CMIP: variants seen among roughly 807,000 people sequenced by gnomAD.
The protein encoded by CMIP is c-Maf inducing protein, also known as C-Maf-inducing protein.
A neutral mutation model predicts 97.3 loss-of-function variants in CMIP; 13 were observed. That is an observed-to-expected ratio of 0.13 (90% CI 0.09 to 0.21). CMIP has a LOEUF of 0.21. Among genes scored for constraint, CMIP ranks in the 10% least tolerant of loss-of-function variants. The pLI, the probability that CMIP is intolerant of heterozygous loss-of-function variation, is 1.00. For missense variants in CMIP, 847 were observed against 1,024.9 expected (o/e 0.83, Z 2.37); for synonymous variants, 538 against 436.3 (o/e 1.23, Z -2.91).
intron 3 of CMIP, among the ~76,000 whole-genome samples, chr16:81,623,850 C>A (rs532305024): frequency 6.6e-6 from 1 of 152,246 alleles, no homozygotes; most frequent in Admixed American, 6.5e-5. Context: ...GGTTCATTGT[C>A]GTTAAGCAGG....
At chr16:81,559,058 C>A (rs1179785116) in intron 1 of CMIP, among the ~76,000 whole-genome samples, 1 of 152,218 alleles carries the variant, frequency 6.6e-6, no homozygotes, top group African/African-American at 2.4e-5. Context: ...CCTGGGCGCC[C>A]CTCCTGCCGC....
intron 1 of CMIP, among the ~76,000 whole-genome samples, chr16:81,509,825 C>T (rs950241491): frequency 2.0e-5 from 3 of 152,182 alleles, no homozygotes; most frequent in Non-Finnish European, 4.4e-5. Flanking sequence ...CTTCCTGTCT[C>T]CCTTAACCAG....
intron 10 of CMIP, among the ~76,000 whole-genome samples, chr16:81,687,984 A>T (rs928729269): frequency 1.3e-5 from 2 of 152,254 alleles, no homozygotes; most frequent in African/African-American, 4.8e-5. Flanking sequence ...CCCATGAGCG[A>T]ACACAAGCAG....
chr16:81,474,861 G>GC (rs1907797581), intron 1 of CMIP, among the ~76,000 whole-genome samples: 2 of 152,256 alleles, frequency 1.3e-5, no homozygotes, highest in Admixed American at 1.3e-4. Flanking sequence ...AGCCATGGGG[G>GC]GCGGGCGGGG....
chr16:81,685,706 G>A (rs1174869485), intron 10 of CMIP, among the ~76,000 whole-genome samples: 1 of 147,726 alleles, frequency 6.8e-6, no homozygotes, highest in Admixed American at 6.6e-5. Flanking sequence ...CACCTGCCTG[G>A]CTTACTTTTT....
In CMIP at chr16:81,663,748, C is replaced by T. The variant is rs778642431; in HGVS notation, c.745-521C>T. On this transcript the variant is annotated intron_variant, in intron 6 of 20. Coordinates refer to ENST00000537098, the MANE Select transcript of CMIP (RefSeq NM_198390.3). Reference sequence around the variant, plus strand: ...TTGGGGAGGCAAGGGCTGTGTCCACCAATGAGACCAGCTTGTGGGGTAGAA... The same window carrying T: ...TTGGGGAGGCAAGGGCTGTGTCCACTAATGAGACCAGCTTGTGGGGTAGAA... 1.1e-3 allele frequency among the ~76,000 whole-genome samples: 162 copies of T among 152,128 alleles called. 1 individual carries two copies. The highest frequency in any genetic ancestry group is 2.0e-3 in the Non-Finnish European group (138 of 68,020).
Position 81,601,829 on chromosome 16 carries a change from C to T in CMIP, c.301-5738C>T, listed in dbSNP as rs530752703. On this transcript the variant is annotated intron_variant, in intron 1 of 20. Transcript: ENST00000537098. The stretch of plus-strand genomic sequence containing the variant: ...ACCTTGCGGGCACTCAGTTAGCGAG[C>T]GGTCCCACCAAACCTACCTGGGTTC... Among the ~76,000 whole-genome samples, 28 of 152,302 alleles carry T rather than the reference C, an allele frequency of 1.8e-4. No individual in the cohort carries two copies. The South Asian group carries it at 3.3e-3, about 18-fold the overall frequency.
chr16:81,575,663 C>T (rs548845218), intron 1 of CMIP, among the ~76,000 whole-genome samples: 17 of 152,280 alleles, frequency 1.1e-4, no homozygotes, highest in South Asian at 2.1e-4. Flanking sequence ...TTACTGCCAA[C>T]GGGACAGCAG....
intron 1 of CMIP, among the ~76,000 whole-genome samples, chr16:81,526,355 G>T (rs191673556): frequency 6.6e-6 from 1 of 152,328 alleles, no homozygotes; most frequent in East Asian, 1.9e-4. Context: ...GACGGCTGTA[G>T]GCAGTACCAA....
chr16:81,486,756 T>G lies in CMIP; in HGVS notation c.300+41215T>G, dbSNP rs566859728. On this transcript the variant is annotated intron_variant, in intron 1 of 20. Coordinates refer to ENST00000537098, the MANE Select transcript of CMIP (RefSeq NM_198390.3). Reference sequence around the variant, plus strand: ...AGCTGTGCCTGGTGGCCGGCACTGTTGCAGATGTCCTGGCCAAAGCCAGCT... The same window carrying G: ...AGCTGTGCCTGGTGGCCGGCACTGTGGCAGATGTCCTGGCCAAAGCCAGCT... Among the ~76,000 whole-genome samples the G allele has an allele frequency of 2.6e-5, 4 of 152,382 alleles. No homozygotes were observed. The East Asian group carries it at 7.7e-4, about 29-fold the overall frequency.
At chr16:81,699,828 G>T (rs753155954) in intron 15 of CMIP, 27 bp downstream of exon 15, 32 of 1,507,632 alleles carry the variant, frequency 2.1e-5, no homozygotes, top group African/African-American at 5.5e-5. Flanking sequence ...GGTCCCTGGT[G>T]GGGTGGCTGG....
intron 1 of CMIP, among the ~76,000 whole-genome samples, chr16:81,559,311 C>A (rs1294554163): frequency 6.6e-6 from 1 of 152,210 alleles, no homozygotes; most frequent in Non-Finnish European, 1.5e-5. Context: ...ACACCAGCAT[C>A]AGTGGTCACT....
At chr16:81,581,371 A>G (rs1431698746) in intron 1 of CMIP, among the ~76,000 whole-genome samples, 2 of 152,132 alleles carry the variant, frequency 1.3e-5, no homozygotes, top group Non-Finnish European at 2.9e-5. Flanking sequence ...AGCCTGCCTC[A>G]CACCTGGGCT....
chr16:81,595,641 G>A (rs867576907), intron 1 of CMIP, among the ~76,000 whole-genome samples: 2 of 151,996 alleles, frequency 1.3e-5, no homozygotes, highest in East Asian at 1.9e-4. Flanking sequence ...TGCCCACCTC[G>A]GCTTCCCAAA....
chr16:81,466,921 G>C (rs938745261), intron 1 of CMIP, among the ~76,000 whole-genome samples: 2 of 152,174 alleles, frequency 1.3e-5, no homozygotes, highest in Non-Finnish European at 2.9e-5. Flanking sequence ...TATGTGGCAG[G>C]GCTAGACTTT....
Position 81,621,913 on chromosome 16 carries a change from C to G in CMIP, c.477+987C>G, listed in dbSNP as rs1466972678. Reference sequence around the variant, plus strand: ...CAGAGAGGGCCACTCCCCTCCTTTCCTCTGTCAGCTACTGGTCCTCTTGCT... The same window carrying G: ...CAGAGAGGGCCACTCCCCTCCTTTCGTCTGTCAGCTACTGGTCCTCTTGCT... On this transcript the variant is annotated intron_variant, in intron 3 of 20. Transcript: ENST00000537098. The surrounding 1 kb of genome is among the most constrained non-coding windows in gnomAD (Gnocchi z 4.1). 5 of 152,282 alleles carry G rather than the reference C, an allele frequency of 3.3e-5. No homozygotes were observed. The highest frequency in any genetic ancestry group is 6.5e-5 in the Admixed American group (1 of 15,294). The allele number at this position is 152,282 out of a possible 1,614,324, so 9.4% of individuals were successfully genotyped here.
intron 1 of CMIP, among the ~76,000 whole-genome samples, chr16:81,528,574 C>A (rs1170963417): frequency 6.6e-6 from 1 of 152,168 alleles, no homozygotes; most frequent in African/African-American, 2.4e-5. Context: ...TAAAATAGTT[C>A]ATTGAGTTTT....
chr16:81,600,283 A>G (rs1432807701), intron 1 of CMIP, among the ~76,000 whole-genome samples: 1 of 151,570 alleles, frequency 6.6e-6, no homozygotes, highest in African/African-American at 2.4e-5. Flanking sequence ...CTGAAAAAAA[A>G]AAAAAAAAAA....
chr16:81,649,530 G>A (rs139582024), intron 3 of CMIP, among the ~76,000 whole-genome samples: 3 of 152,228 alleles, frequency 2.0e-5, no homozygotes, highest in African/African-American at 7.2e-5. Context: ...ATGAGACTTC[G>A]CTGGAATGAT....
Sources: allele counts gnomAD v4.1 joint callset (sites outside exome capture counted in the v4.1 genomes callset), GRCh38; gene constraint gnomAD v4.1.1; non-coding constraint Gnocchi (gnomAD v3.1); transcripts MANE v1.5; gene names NCBI Gene and HGNC (gene_info 2026-07-23, HGNC 2026-07-21).